Variants in DOCK1 observed in about 807,000 individuals in gnomAD.
The protein encoded by DOCK1 is dedicator of cytokinesis 1, also known as dedicator of cytokinesis protein 1.
DOCK1 carries 138 observed loss-of-function variants against 262.7 expected under a neutral mutation model. The observed-to-expected ratio is 0.53, with a 90% CI of 0.46 to 0.61. The LOEUF (loss-of-function observed/expected upper bound fraction) is 0.61. Among genes scored for constraint, DOCK1 ranks in the 20% least tolerant of loss-of-function variants. The probability of loss-of-function intolerance (pLI) is 0.00; values close to 1 mark genes in which losing one functional copy is unlikely to be tolerated. For synonymous variants in DOCK1, 866 were observed against 867.4 expected, an observed-to-expected ratio of 1.00 and a Z score of 0.03; for missense variants, 1,908 against 2,370.7, an observed-to-expected ratio of 0.80 and a Z score of 4.05.
chr10:127,362,623 G>A (rs796947628), intron 33 of DOCK1, among the ~76,000 whole-genome samples: 11 of 152,264 alleles, frequency 7.2e-5, no homozygotes, highest in African/African-American at 2.6e-4. Context: ...ATTCTCTTAA[G>A]TGTGTGTCTT....
At chr10:127,135,131 A>G (rs1480056994) in intron 27 of DOCK1, among the ~76,000 whole-genome samples, 1 of 152,164 alleles carries the variant, frequency 6.6e-6, no homozygotes, top group African/African-American at 2.4e-5. Context: ...GAGGTTAAGA[A>G]TTAAACCTCA....
intron 1 of DOCK1, among the ~76,000 whole-genome samples, chr10:126,937,227 A>G (rs916002048): frequency 3.3e-5 from 5 of 152,162 alleles, no homozygotes; most frequent in African/African-American, 9.7e-5. Context: ...TTGCTTATCC[A>G]TCCATTGCCA....
chr10:127,117,804 G>A (rs11016261), intron 25 of DOCK1, among the ~76,000 whole-genome samples: 10 of 152,240 alleles, frequency 6.6e-5, no homozygotes, highest in Non-Finnish European at 2.9e-5. Flanking sequence ...AGTCTCTTTA[G>A]TACATGATTT....
chr10:127,081,243 G>T (rs1410486033), intron 23 of DOCK1, among the ~76,000 whole-genome samples: 1 of 152,086 alleles, frequency 6.6e-6, no homozygotes, highest in Admixed American at 6.6e-5. Context: ...CATACCTGGT[G>T]CAGAGGCCAC....
chr10:127,392,754 G>T (rs1335681707), intron 38 of DOCK1, among the ~76,000 whole-genome samples: 2 of 152,068 alleles, frequency 1.3e-5, no homozygotes, highest in East Asian at 3.9e-4. Flanking sequence ...CCCACCCCCA[G>T]CGCCGGGTCG....
At chr10:127,127,604 A>C (rs1440256959) in intron 26 of DOCK1, 65 bp from the exon 27 acceptor site, 1 of 1,304,798 alleles carries the variant, frequency 7.7e-7, no homozygotes, top group East Asian at 2.4e-5. Flanking sequence ...ATTCAATGAC[A>C]ACCACTGGGG....
chr10:127,193,597 G>C (rs78171672), intron 27 of DOCK1, among the ~76,000 whole-genome samples: 1 of 152,076 alleles, frequency 6.6e-6, no homozygotes, highest in Non-Finnish European at 1.5e-5. Flanking sequence ...AAATGTCTAC[G>C]TGAACGGGTC....
intron 6 of DOCK1, 123 bp downstream of exon 6, chr10:126,990,726 G>A: frequency 8.1e-7 from 1 of 1,234,882 alleles, no homozygotes. Context: ...CAAAGTAATG[G>A]CATGTTTTTC....
At chr10:127,129,369 T>G (rs759809362) in intron 27 of DOCK1, among the ~76,000 whole-genome samples, 1 of 152,002 alleles carries the variant, frequency 6.6e-6, no homozygotes, top group Non-Finnish European at 1.5e-5. Flanking sequence ...ACAACATGTA[T>G]GAATCAGGAA....
At chr10:127,008,853 A>C (rs2041219509) in intron 11 of DOCK1, 49 bp downstream of exon 11, 1 of 1,418,382 alleles carries the variant, frequency 7.1e-7, no homozygotes, top group East Asian at 2.4e-5. Flanking sequence ...TGTGGAAAAC[A>C]TAGGCTTGTA....
intron 23 of DOCK1, among the ~76,000 whole-genome samples, chr10:127,067,064 C>T (rs996586386): frequency 1.6e-4 from 25 of 152,362 alleles, no homozygotes; most frequent in African/African-American, 6.0e-4. Flanking sequence ...GACATTATCC[C>T]TGGTGGAGCT....
In DOCK1 at chr10:127,339,144, C is replaced by A; in HGVS notation, c.3123+60C>A. 2.2e-6 allele frequency: 3 copies of A among 1,386,578 alleles called. No homozygotes were observed. The South Asian group carries it at 3.7e-5, about 17-fold the overall frequency. 85.9% of individuals were successfully genotyped at this position (1,386,578 alleles called of 1,614,324 possible). On this transcript the variant is annotated intron_variant, in intron 30 of 51. Coordinates refer to ENST00000623213, the MANE Select transcript of DOCK1 (RefSeq NM_001290223.2). ...AATCATGTTAAAACAAATTGCTGGT[C>A]CGAGCCAGTATCTTACAGTATTTCT... is the stretch of plus-strand genomic sequence containing the variant.
intron 27 of DOCK1, among the ~76,000 whole-genome samples, chr10:127,197,686 G>A (rs2057270387): frequency 6.6e-6 from 1 of 152,162 alleles, no homozygotes; most frequent in Non-Finnish European, 1.5e-5. Flanking sequence ...ACATCAGTGG[G>A]CAGTGAGACC....
chr10:127,098,603 C>G (rs1195663285), intron 23 of DOCK1, among the ~76,000 whole-genome samples: 1 of 152,124 alleles, frequency 6.6e-6, no homozygotes, highest in Non-Finnish European at 1.5e-5. Flanking sequence ...TGCTACCTTC[C>G]CAAATTCACA....
chr10:127,347,582 C>T (rs985682490), intron 31 of DOCK1, among the ~76,000 whole-genome samples: 43 of 151,488 alleles, frequency 2.8e-4, no homozygotes, highest in Admixed American at 2.6e-3. Flanking sequence ...GAGCTTGGGG[C>T]GGGGTGTGGG....
intron 25 of DOCK1, among the ~76,000 whole-genome samples, chr10:127,115,797 T>G (rs1403152329): frequency 1.3e-5 from 2 of 152,216 alleles, no homozygotes; most frequent in Non-Finnish European, 1.5e-5. Flanking sequence ...CTGGAACATG[T>G]TCTCTCACCC....
chr10:126,908,638 A>G (rs1008177206), intron 1 of DOCK1, among the ~76,000 whole-genome samples: 1 of 152,236 alleles, frequency 6.6e-6, no homozygotes, highest in African/African-American at 2.4e-5. Context: ...CTGCAAAGGC[A>G]GGAAATGCTG....
intron 27 of DOCK1, among the ~76,000 whole-genome samples, chr10:127,182,341 T>G (rs549092539): frequency 1.6e-4 from 24 of 152,308 alleles, no homozygotes; most frequent in African/African-American, 5.8e-4. Context: ...TTTAGCCACA[T>G]AATGTAAACC....
intron 44 of DOCK1, among the ~76,000 whole-genome samples, chr10:127,417,221 C>T (rs964071380): frequency 3.9e-5 from 6 of 152,196 alleles, no homozygotes; most frequent in African/African-American, 1.4e-4. Context: ...TGAGGTCACC[C>T]TGGGACATGG....
Sources: gnomAD v4.1 joint callset for allele counts (sites outside exome capture counted in the v4.1 genomes callset) on GRCh38, gnomAD v4.1.1 for gene constraint, MANE v1.5 for transcripts, NCBI Gene and HGNC (gene_info 2026-07-23, HGNC 2026-07-21) for gene names.